Variants in P3H2 observed in about 807,000 individuals in gnomAD.
P3H2 encodes leprecan-like 1.
P3H2 carries 80 observed loss-of-function variants against 87.0 expected under a neutral mutation model. That is an observed-to-expected ratio of 0.92 (90% CI 0.77 to 1.11). The LOEUF (loss-of-function observed/expected upper bound fraction) is 1.11, where lower values mean the gene tolerates loss of function less well. Among genes scored for constraint, P3H2 ranks in the 50% least tolerant of loss-of-function variants. The pLI, the probability that P3H2 is intolerant of heterozygous loss-of-function variation, is 0.00. For synonymous variants in P3H2, 367 were observed against 359.3 expected (o/e 1.02, Z -0.24); for missense variants, 1,001 against 923.9 (o/e 1.08, Z -1.08).
chr3:190,003,911 T>A (rs4686534), intron 1 of P3H2, among the ~76,000 whole-genome samples: 39,637 of 152,184 alleles, frequency 0.26, 5,452 homozygotes, highest in African/African-American at 0.33. Flanking sequence ...TTTTGGAATC[T>A]GCTTTAATCC....
At chr3:190,120,920 C>G, upstream of P3H2, 1 of 859,406 alleles carries the variant, frequency 1.2e-6, no homozygotes, top group East Asian at 3.3e-5. Flanking sequence ...TGGCCAGCCG[C>G]TCTTAAAGGG....
At chr3:190,048,415 T>C (rs1021787420) in intron 1 of P3H2, among the ~76,000 whole-genome samples, 1 of 152,150 alleles carries the variant, frequency 6.6e-6, no homozygotes, top group Non-Finnish European at 1.5e-5. Flanking sequence ...GAGAATCGCT[T>C]GAACCCGGGA....
chr3:190,039,176 C>A (rs998020682), intron 1 of P3H2, among the ~76,000 whole-genome samples: 2 of 129,164 alleles, frequency 1.5e-5, no homozygotes, highest in Non-Finnish European at 3.2e-5. Flanking sequence ...ACAACAAAAG[C>A]GAAACTCCAT....
At position 190,030,430 on chromosome 3, in the gene P3H2, C is replaced by T. The variant is rs561243420; in HGVS notation, c.481-34988G>A. On this transcript the variant is annotated intron_variant, in intron 1 of 14. Coordinates refer to ENST00000319332, the MANE Select transcript of P3H2 (RefSeq NM_018192.4). ...CTAAAAAATGCAAAAATTAGCTGGG[C>T]GTGATGGCACGCAACCCTGGAGGCT... Among the ~76,000 whole-genome samples, 9 of 152,212 alleles carry T rather than the reference C, an allele frequency of 5.9e-5. 1 individual carries two copies. In the South Asian group the frequency reaches 6.2e-4, roughly 11 times the overall value.
chr3:190,047,533 C>T (rs1188851453), intron 1 of P3H2, among the ~76,000 whole-genome samples: 2 of 152,142 alleles, frequency 1.3e-5, no homozygotes, highest in Admixed American at 1.3e-4. Context: ...ATAAGAGTTC[C>T]TGCAAATGAC....
intron 13 of P3H2, chr3:189,969,203 C>T: frequency 1.4e-6 from 1 of 720,800 alleles, no homozygotes; most frequent in Non-Finnish European, 2.6e-6. Flanking sequence ...TTCCAGCAGT[C>T]ATAATCTGTC....
chr3:190,003,422 A>C lies in P3H2; in HGVS notation c.481-7980T>G, dbSNP rs143090506. Among the ~76,000 whole-genome samples, 713 of 152,242 alleles carry C rather than the reference A, an allele frequency of 4.7e-3. 5 individuals are homozygous for C. Among genetic ancestry groups the C allele is most frequent in the African/African-American group, 0.016 (664 of 41,538 alleles). ...CATCTTTCTGGGTAAGGAAAACATTAAAGTGAAGACACAGAACTTTTAAAC... is the reference window on the plus strand; with the variant it reads ...CATCTTTCTGGGTAAGGAAAACATTCAAGTGAAGACACAGAACTTTTAAAC... On this transcript the variant is annotated intron_variant, in intron 1 of 14. Coordinates refer to ENST00000319332, the MANE Select transcript of P3H2 (RefSeq NM_018192.4).
intron 1 of P3H2, among the ~76,000 whole-genome samples, chr3:190,099,973 C>T (rs1425675986): frequency 6.6e-6 from 1 of 152,128 alleles, no homozygotes; most frequent in Non-Finnish European, 1.5e-5. Context: ...GTGGCTCATG[C>T]CTGTAATCCC....
intron 13 of P3H2, among the ~76,000 whole-genome samples, chr3:189,968,259 CT>C (rs774903372): frequency 1.5e-4 from 23 of 149,464 alleles, no homozygotes; most frequent in Non-Finnish European, 2.5e-4. Context: ...TGTTATCCCC[CT>C]GACAGGCCCT....
At chr3:189,969,677 C>T (rs779922998) in intron 13 of P3H2, 25 of 1,267,746 alleles carry the variant, frequency 2.0e-5, no homozygotes, top group Non-Finnish European at 2.7e-5. Flanking sequence ...GTGCTGCCTC[C>T]CATGCCTTGC....
Position 189,995,390 on chromosome 3 carries a change from T to G in P3H2, c.533A>C (p.Asn178Thr). The change falls in exon 2 of 15, where the codon AAC becomes ACC. Residue 178 changes from asparagine (N) to threonine (T), a missense_variant. Coordinates refer to ENST00000319332, the MANE Select transcript of P3H2 (RefSeq NM_018192.4). The part of the protein sequence containing the change: ...VEAAHTFFVA[N>T]PEHMEMQQNI... ...CTGCTGCATTTCCATGTGCTCAGGG[T>G]TAGCCACGAAAAATGTGTGAGCTGC... is the stretch of plus-strand genomic sequence containing the variant. The G allele has an allele frequency of 6.2e-7, 1 of 1,614,056 alleles. No individual in the cohort carries two copies. Among genetic ancestry groups the G allele is most frequent in the African/African-American group, 1.3e-5 (1 of 75,030 alleles).
rs181536548 is a variant in P3H2, at chr3:189,995,397, C to G, written c.526G>C (p.Val176Leu). 2.5e-6 allele frequency: 4 copies of G among 1,613,722 alleles called. No homozygotes were observed. In the African/African-American group the frequency reaches 5.3e-5, roughly 22 times the overall value. ...ATTTCCATGTGCTCAGGGTTAGCCA[C>G]GAAAAATGTGTGAGCTGCTTCCACT... ...KAVEAAHTFF[V>L]ANPEHMEMQQ... The change falls in exon 2 of 15, where the codon GTG (valine) becomes CTG (leucine). Residue 176 changes from valine (V) to leucine (L), a missense_variant. Transcript: ENST00000319332.
rs749675777 is a variant in P3H2 at position 189,965,969 on chromosome 3, G to GAA, written c.1894-1873_1894-1872dup. On this transcript the variant is annotated intron_variant, in intron 13 of 14. Transcript: ENST00000319332. ...CTACTGCACTCCAGTCTGGGTGACA[G>GAA]AAAAAAAAAAAAAGAAAGAAAGAAA... is the stretch of plus-strand genomic sequence containing the variant. Among the ~76,000 whole-genome samples the GAA allele has an allele frequency of 9.9e-3, 763 of 76,788 alleles. 4 individuals are homozygous for GAA. Among genetic ancestry groups the GAA allele is most frequent in the Non-Finnish European group, 0.014 (522 of 37,742 alleles). The allele number at this position is 76,788 out of a possible 152,430, so 50.4% of individuals were successfully genotyped here. A position where few individuals can be genotyped will look rare whatever the true frequency, so the allele number is the denominator to read the frequency against.
chr3:189,998,240 A>G (rs1005700748), intron 1 of P3H2, among the ~76,000 whole-genome samples: 3 of 152,212 alleles, frequency 2.0e-5, no homozygotes, highest in African/African-American at 7.2e-5. Context: ...GGCAATAGCC[A>G]GTCTACAAGC....
chr3:189,979,054 C>T (rs532478942), intron 8 of P3H2, among the ~76,000 whole-genome samples: 6 of 152,164 alleles, frequency 3.9e-5, no homozygotes, highest in African/African-American at 1.4e-4. Context: ...ATCAGAAATT[C>T]GATAGTGTCA....
chr3:190,120,206 G>A (rs1712485108), intron 1 of P3H2, 46 bp downstream of exon 1: 3 of 1,592,862 alleles, frequency 1.9e-6, no homozygotes, highest in South Asian at 2.3e-5. Context: ...AAGAGAGCGT[G>A]TGAGAGCCGC....
intron 1 of P3H2, among the ~76,000 whole-genome samples, chr3:190,008,807 G>C (rs1185700450): frequency 6.6e-6 from 1 of 152,156 alleles, no homozygotes; most frequent in Admixed American, 6.6e-5. Flanking sequence ...CTGGCCATTG[G>C]GTAGGTGGGA....
At chr3:190,094,643 G>A (rs1397252377) in intron 1 of P3H2, among the ~76,000 whole-genome samples, 1 of 152,204 alleles carries the variant, frequency 6.6e-6, no homozygotes, top group Non-Finnish European at 1.5e-5. Context: ...CAACAGTGGG[G>A]TACTGGGTCT....
Position 189,957,467 on chromosome 3 carries a change from GTGTGTGTGTGTGTT to G in P3H2, c.*431_*444del. 1 of 378,532 alleles carries G rather than the reference GTGTGTGTGTGTGTT, an allele frequency of 2.6e-6. No homozygotes were observed. The allele number at this position is 378,532 out of a possible 1,614,324, so 23.4% of individuals were successfully genotyped here. ...TGTGTGTGTGTGTGTGTGTGTGTGT[GTGTGTGTGTGTGTT>G]TGGGGGAGGAGGTGAACTGGGCTTT... is the stretch of plus-strand genomic sequence containing the variant. On this transcript the variant is annotated 3_prime_UTR_variant, in exon 15 of 15. Transcript: ENST00000319332.
Sources: allele counts gnomAD v4.1 joint callset (sites outside exome capture counted in the v4.1 genomes callset), GRCh38; gene constraint gnomAD v4.1.1; transcripts MANE v1.5; gene names NCBI Gene and HGNC (gene_info 2026-07-23, HGNC 2026-07-21).